Variants in ABCA10 observed in about 807,000 individuals in gnomAD.
ABCA10 encodes the protein ATP binding cassette subfamily A member 10, also known as ATP-binding cassette sub-family A member 10.
A neutral mutation model predicts 187.5 loss-of-function variants in ABCA10; 169 were observed. That is an observed-to-expected ratio of 0.90 (90% CI 0.80 to 1.02). The LOEUF (loss-of-function observed/expected upper bound fraction) is 1.02, where lower values mean the gene tolerates loss of function less well. Ranked by LOEUF, ABCA10 falls within the 50% of genes least tolerant of loss-of-function variation. ABCA10 has a pLI of 0.00. For missense variants in ABCA10, 1,727 were observed against 1,812.4 expected, an observed-to-expected ratio of 0.95 and a Z score of 0.86; for synonymous variants, 574 against 601.8, an observed-to-expected ratio of 0.95 and a Z score of 0.68.
chr17:69,193,606 T>C lies in ABCA10; in HGVS notation c.1528A>G (p.Arg510Gly), dbSNP rs779621291. 3 of 1,601,840 alleles carry C rather than the reference T, an allele frequency of 1.9e-6. No individual in the cohort carries two copies. In the African/African-American group the frequency reaches 4.0e-5, roughly 22 times the overall value. ...QPKEVEQEVK[R>G]IIMELDMQSI... The stretch of plus-strand genomic sequence containing the variant: ...TGCATGTCTAATTCCATTATAATTC[T>C]TTTTACCTATCAAAGAAAACTCTGT... The change falls in exon 14 of 39, where the codon AGA (arginine) becomes GGA (glycine). Residue 510 changes from arginine (R) to glycine (G), a missense_variant. Transcript: ENST00000690296.
At position 69,174,730 on chromosome 17, in the gene ABCA10, T is replaced by C. The variant is rs2074321927; in HGVS notation, c.2925A>G (p.Ala975=). ...QLWISGLWPS[A]YWCGQALVDI... is the part of the protein sequence containing the mutation. ...CCACCAGAGCCTGTCCACACCAGTA[T>C]GCTGAAGGCCAGAGGCCTGAAATCC... The change falls in exon 24 of 39, where the codon GCA becomes GCG. Residue 975 remains alanine (A), a synonymous_variant. Coordinates refer to ENST00000690296, the MANE Select transcript of ABCA10 (RefSeq NM_001377321.1). The C allele has an allele frequency of 6.2e-7, 1 of 1,608,354 alleles. No homozygotes were observed. Among genetic ancestry groups the C allele is most frequent in the African/African-American group, 1.3e-5 (1 of 74,832 alleles).
chr17:69,151,899 C>A, intron 36 of ABCA10, 144 bp downstream of exon 36: 1 of 1,274,760 alleles, frequency 7.8e-7, no homozygotes, highest in Non-Finnish European at 1.1e-6. Context: ...TTTTGTAACG[C>A]ATCCTAGCAA....
chr17:69,164,163 A>C lies in ABCA10; in HGVS notation c.3283-9T>G, dbSNP rs1160790244. 1 of 1,572,044 alleles carries C rather than the reference A, an allele frequency of 6.4e-7. No homozygotes were observed. Among genetic ancestry groups the C allele is most frequent in the Non-Finnish European group, 8.6e-7 (1 of 1,166,746 alleles). On this transcript the variant is annotated splice_polypyrimidine_tract_variant and intron_variant, in intron 26 of 38. Transcript: ENST00000690296. ...TTTCTCATAAAGTCGAGCTGAAAAA[A>C]AACCCACCAACAGTTAAATGCAAGT...
In ABCA10 at chr17:69,152,129, T is replaced by C. The variant is rs546191388; in HGVS notation, c.4311A>G (p.Leu1437=). The C allele has an allele frequency of 6.2e-7, 1 of 1,613,922 alleles. No homozygotes were observed. Among genetic ancestry groups the C allele is most frequent in the Admixed American group, 1.7e-5 (1 of 59,984 alleles). ...LKNKFGRDYL[L]EIKMKEPTQV... is the part of the protein sequence containing the mutation. The stretch of plus-strand genomic sequence containing the variant: ...GGGTAGGTTCTTTCATTTTTATTTC[T>C]AGTAAATAATCTCTACCAAACTTGT... The change falls in exon 36 of 39, where the codon CTA becomes CTG. Residue 1437 remains leucine, a synonymous_variant. Coordinates refer to ENST00000690296, the MANE Select transcript of ABCA10 (RefSeq NM_001377321.1).
At chr17:69,223,780 T>A (rs73361956) in intron 3 of ABCA10, 1 of 361,756 alleles carries the variant, frequency 2.8e-6, no homozygotes, top group African/African-American at 2.2e-5. Context: ...GTTAGATAAA[T>A]GTAGAATAAG....
At chr17:69,215,538 G>A in intron 8 of ABCA10, 1 of 252,170 alleles carries the variant, frequency 4.0e-6, no homozygotes, top group Non-Finnish European at 7.4e-6. Context: ...ACATTTTACT[G>A]CCTCTTTAAA....
At position 69,154,291 on chromosome 17, in the gene ABCA10, C is replaced by T; in HGVS notation, c.3730G>A (p.Gly1244Ser). The T allele has an allele frequency of 6.2e-7, 1 of 1,612,314 alleles. No homozygotes were observed. Among genetic ancestry groups the T allele is most frequent in the Non-Finnish European group, 8.5e-7 (1 of 1,179,520 alleles). Reference protein sequence around the residue: ...VLGLLGHNGAGKSTSIKMITG... With the variant: ...VLGLLGHNGASKSTSIKMITG... Reference sequence around the variant, plus strand: ...ATCATTTTAATGGAAGTACTTTTACCAGCTCCATTGTGTCCTAGTAATCCC... The same window carrying T: ...ATCATTTTAATGGAAGTACTTTTACTAGCTCCATTGTGTCCTAGTAATCCC... Residue 1244 changes from glycine (G) to serine (S), a missense_variant, in exon 31 of 39, where the codon GGT becomes AGT. Transcript: ENST00000690296.
At chr17:69,236,666 T>A (rs1292617591) in intron 1 of ABCA10, among the ~76,000 whole-genome samples, 2 of 152,172 alleles carry the variant, frequency 1.3e-5, no homozygotes, top group Non-Finnish European at 2.9e-5. Flanking sequence ...ATGAATCAAT[T>A]TTCAACCCAA....
intron 20 of ABCA10, among the ~76,000 whole-genome samples, chr17:69,183,777 T>C (rs1020464778): frequency 6.6e-6 from 1 of 152,058 alleles, no homozygotes; most frequent in Non-Finnish European, 1.5e-5. Context: ...GCCAGTGGAA[T>C]TGGGGAAAGA....
chr17:69,213,563 A>G (rs2074677220), intron 9 of ABCA10, among the ~76,000 whole-genome samples: 1 of 151,932 alleles, frequency 6.6e-6, no homozygotes, highest in African/African-American at 2.4e-5. Context: ...GGCCAGTCTC[A>G]CTCCCACTGT....
At chr17:69,209,773 G>A (rs1307144866) in intron 9 of ABCA10, among the ~76,000 whole-genome samples, 3 of 152,202 alleles carry the variant, frequency 2.0e-5, no homozygotes, top group Non-Finnish European at 1.5e-5. Flanking sequence ...AGTCTACTAC[G>A]CACCTAGGCT....
intron 9 of ABCA10, among the ~76,000 whole-genome samples, chr17:69,213,833 C>A (rs2074679840): frequency 6.6e-6 from 1 of 152,170 alleles, no homozygotes; most frequent in South Asian, 2.1e-4. Context: ...CAAAATTCAG[C>A]TAGGAGCTTC....
At chr17:69,152,913 G>A (rs1319978108) in intron 34 of ABCA10, among the ~76,000 whole-genome samples, 3 of 152,024 alleles carry the variant, frequency 2.0e-5, no homozygotes, top group African/African-American at 7.2e-5. Context: ...CATATTAATA[G>A]GCTTCATAAA....
chr17:69,233,185 T>C (rs554477776), upstream of ABCA10: 203 of 152,300 alleles, frequency 1.3e-3, 2 homozygotes, highest in African/African-American at 4.7e-3. Flanking sequence ...TCTCTTTAAC[T>C]CCAACAACTG....
rs114438868 is a variant in ABCA10, at chr17:69,221,842, G to T, written c.253C>A (p.Leu85Ile). The T allele has an allele frequency of 1.9e-6, 3 of 1,613,068 alleles. No individual in the cohort carries two copies. In the African/African-American group the frequency reaches 4.0e-5, roughly 22 times the overall value. ...EIFCYLAKYW[L>I]KGFVAFQAAI... ...GCTTGAAAAGCTACAAACCCTTTTA[G>T]CCAGTACTTTGCCAAGTAACAAAAA... Residue 85 changes from leucine to isoleucine, a missense_variant, in exon 5 of 39, where the codon CTA (leucine) becomes ATA (isoleucine). By Grantham distance (5) the Leu-to-Ile change is conservative (BLOSUM62 2). Coordinates refer to ENST00000690296, the MANE Select transcript of ABCA10 (RefSeq NM_001377321.1).
At chr17:69,168,944 T>C (rs933180090) in intron 25 of ABCA10, among the ~76,000 whole-genome samples, 5 of 152,238 alleles carry the variant, frequency 3.3e-5, no homozygotes, top group South Asian at 2.1e-4. Context: ...CTCTTTGTAA[T>C]CTTGGGTATA....
At chr17:69,150,224 A>T (rs1426030071) in intron 36 of ABCA10, 161 bp from the exon 37 acceptor site, 1 of 513,576 alleles carries the variant, frequency 1.9e-6, no homozygotes, top group African/African-American at 1.9e-5. Context: ...AATCATAAAA[A>T]AAGTTATAAC....
intron 33 of ABCA10, 34 bp downstream of exon 33, chr17:69,153,437 G>A (rs1402311408): frequency 4.3e-6 from 7 of 1,613,562 alleles, no homozygotes; most frequent in African/African-American, 4.0e-5. Context: ...ACCCAGCCAT[G>A]GGTGCACAGG....
chr17:69,182,155 G>A lies in ABCA10; in HGVS notation c.2767C>T (p.Arg923Cys), dbSNP rs202012056. 8.3e-6 allele frequency: 13 copies of A among 1,569,422 alleles called. No individual in the cohort carries two copies. The highest frequency in any genetic ancestry group is 3.6e-5 in the Admixed American group (2 of 55,198). Reference sequence around the variant, plus strand: ...TATAAGTCGAATACTCTACTTACACGAGAAAATGAAGTGCTCTCCATTTGA... The same window carrying A: ...TATAAGTCGAATACTCTACTTACACAAGAAAATGAAGTGCTCTCCATTTGA... ...LIQMESTSFS[R>C]DDIVLDLGFI... is the part of the protein sequence containing the mutation. Residue 923 changes from arginine to cysteine, a missense_variant and splice_region_variant, in exon 22 of 39, where the codon CGT becomes TGT. Arg to Cys is a radical substitution (Grantham distance 180). Coordinates refer to ENST00000690296, the MANE Select transcript of ABCA10 (RefSeq NM_001377321.1).
Sources: gnomAD v4.1 joint callset for allele counts (sites outside exome capture counted in the v4.1 genomes callset) on GRCh38, gnomAD v4.1.1 for gene constraint, MANE v1.5 for transcripts, NCBI Gene and HGNC (gene_info 2026-07-23, HGNC 2026-07-21) for gene names.